The following ITGB3 variants were observed in gnomAD, a reference collection of about 807,000 sequenced individuals.
ITGB3 encodes integrin subunit beta 3.
ITGB3 carries 48 observed loss-of-function variants against 85.8 expected under a neutral mutation model. That is an observed-to-expected ratio of 0.56 (90% confidence interval 0.44 to 0.71). The LOEUF (loss-of-function observed/expected upper bound fraction) is 0.71, where lower values mean the gene tolerates loss of function less well. Ranked by LOEUF, ITGB3 falls within the 30% of genes least tolerant of loss-of-function variation. The pLI, the probability that ITGB3 is intolerant of heterozygous loss-of-function variation, is 0.00. For synonymous variants in ITGB3, 363 were observed against 395.6 expected (o/e 0.92, Z 0.98); for missense variants, 861 against 1,019.1 (o/e 0.84, Z 2.11).
intron 2 of ITGB3, among the ~76,000 whole-genome samples, chr17:47,277,865 G>A (rs2065069310): frequency 6.6e-6 from 1 of 152,184 alleles, no homozygotes; most frequent in African/African-American, 2.4e-5. Flanking sequence ...TGCAACTGCA[G>A]GAGCAAGATA....
intron 12 of ITGB3, among the ~76,000 whole-genome samples, chr17:47,301,714 G>C (rs1598699789): frequency 6.6e-6 from 1 of 152,116 alleles, no homozygotes; most frequent in East Asian, 1.9e-4. Context: ...TTTATAGCTT[G>C]TAAAAGTTAT....
At chr17:47,291,358 A>G (rs1238114927) in intron 9 of ITGB3, 3 of 593,878 alleles carry the variant, frequency 5.1e-6, no homozygotes, top group Non-Finnish European at 8.9e-6. Context: ...TTGTTTGTGT[A>G]TGCACAGTTG....
intron 7 of ITGB3, 21 bp from the exon 8 acceptor site, chr17:47,290,164 C>T: frequency 6.3e-7 from 1 of 1,593,028 alleles, no homozygotes; most frequent in African/African-American, 1.3e-5. Context: ...AAGCTCTGGA[C>T]ATCTTTGTTT....
At chr17:47,263,553 G>A (rs535509653) in intron 1 of ITGB3, among the ~76,000 whole-genome samples, 2 of 143,898 alleles carry the variant, frequency 1.4e-5, no homozygotes, top group African/African-American at 5.1e-5. Context: ...GCAGTGGCAC[G>A]ATCTTGGCTC....
chr17:47,271,389 T>C (rs544096072), intron 1 of ITGB3, among the ~76,000 whole-genome samples: 1 of 152,354 alleles, frequency 6.6e-6, no homozygotes, highest in Admixed American at 6.5e-5. Context: ...AAAGATTTTA[T>C]TCAACTTTAG....
Position 47,266,196 on chromosome 17 carries a change from A to G in ITGB3, c.80-8223A>G, listed in dbSNP as rs552363781. 5.9e-5 allele frequency among the ~76,000 whole-genome samples: 9 copies of G among 152,246 alleles called. No homozygotes were observed. In the South Asian group the frequency reaches 1.5e-3, roughly 25 times the overall value. On this transcript the variant is annotated intron_variant, in intron 1 of 14. Coordinates refer to ENST00000559488, the MANE Select transcript of ITGB3 (RefSeq NM_000212.3). ...AAGTGAGCAGTCAAAGGTCAGTGGC[A>G]GGGCTGGGGACCCAGATTAGAACTC...
At chr17:47,283,282 T>C in intron 2 of ITGB3, 72 bp from the exon 3 acceptor site, 2 of 1,439,146 alleles carry the variant, frequency 1.4e-6, no homozygotes, top group Non-Finnish European at 9.8e-7. Context: ...TGGGAAGTGG[T>C]AGGGCCTGCA....
chr17:47,290,803 C>T (rs1023493350), intron 8 of ITGB3, 151 bp from the exon 9 acceptor site: 14 of 856,462 alleles, frequency 1.6e-5, no homozygotes, highest in South Asian at 5.4e-5. Context: ...AGGGGTGCTC[C>T]GGCAGCTTCC....
At chr17:47,305,459 C>G (rs1487981652) in intron 13 of ITGB3, 1 of 152,214 alleles carries the variant, frequency 6.6e-6, no homozygotes, top group Admixed American at 6.5e-5. Flanking sequence ...TTAGCACCCT[C>G]ATATATAAAC....
intron 2 of ITGB3, among the ~76,000 whole-genome samples, chr17:47,280,222 G>A (rs984024491): frequency 1.3e-5 from 2 of 152,230 alleles, no homozygotes; most frequent in African/African-American, 2.4e-5. Flanking sequence ...CCTGGGCCAG[G>A]GTAGTCCTCA....
At chr17:47,277,254 T>C (rs529637709) in intron 2 of ITGB3, among the ~76,000 whole-genome samples, 1 of 152,124 alleles carries the variant, frequency 6.6e-6, no homozygotes, top group African/African-American at 2.4e-5. Context: ...CCAAACTCAT[T>C]TGGTGTTGAG....
At chr17:47,270,578 C>T (rs774581008) in intron 1 of ITGB3, among the ~76,000 whole-genome samples, 1 of 152,214 alleles carries the variant, frequency 6.6e-6, no homozygotes, top group Non-Finnish European at 1.5e-5. Context: ...CATTGCATGG[C>T]TCAGGGCTGC....
At chr17:47,263,645 A>G (rs960642207) in intron 1 of ITGB3, among the ~76,000 whole-genome samples, 35 of 152,194 alleles carry the variant, frequency 2.3e-4, no homozygotes, top group African/African-American at 7.9e-4. Context: ...GCGTGCCACC[A>G]TGCCCAGCTA....
At chr17:47,309,531 T>C (rs534492316) in intron 14 of ITGB3, among the ~76,000 whole-genome samples, 3 of 152,014 alleles carry the variant, frequency 2.0e-5, no homozygotes, top group East Asian at 3.9e-4. Flanking sequence ...AGGGGTGAAA[T>C]AGGAGAGGTT....
intron 1 of ITGB3, among the ~76,000 whole-genome samples, chr17:47,261,999 C>T (rs1332063228): frequency 6.6e-6 from 1 of 152,242 alleles, no homozygotes; most frequent in Non-Finnish European, 1.5e-5. Context: ...TTATTTGCTA[C>T]TACAAATAAA....
At chr17:47,282,335 A>C (rs2065086752) in intron 2 of ITGB3, among the ~76,000 whole-genome samples, 2 of 152,170 alleles carry the variant, frequency 1.3e-5, no homozygotes, top group Admixed American at 1.3e-4. Context: ...CTATCTCCTT[A>C]ACTCTTTTCA....
intron 12 of ITGB3, among the ~76,000 whole-genome samples, 163 bp from the exon 13 acceptor site, chr17:47,302,558 C>T (rs2143137560): frequency 6.6e-6 from 1 of 152,292 alleles, no homozygotes; most frequent in African/African-American, 2.4e-5. Flanking sequence ...CAGTGAGTGG[C>T]AACTGCCAGA....
chr17:47,303,289 A>G (rs1033485588), intron 13 of ITGB3, among the ~76,000 whole-genome samples: 1 of 151,984 alleles, frequency 6.6e-6, no homozygotes, highest in Non-Finnish European at 1.5e-5. Context: ...AAAAAAAACG[A>G]TAAGTTAGGG....
At chr17:47,274,019 G>T (rs2065054279) in intron 1 of ITGB3, among the ~76,000 whole-genome samples, 1 of 152,188 alleles carries the variant, frequency 6.6e-6, no homozygotes, top group African/African-American at 2.4e-5. Flanking sequence ...TAGTGGCTGT[G>T]AATATCACTA....
Sources: allele counts gnomAD v4.1 joint callset (sites outside exome capture counted in the v4.1 genomes callset), GRCh38; gene constraint gnomAD v4.1.1; transcripts MANE v1.5; gene names NCBI Gene and HGNC (gene_info 2026-07-23, HGNC 2026-07-21).